LDB2: variants seen among roughly 807,000 people sequenced by gnomAD.
LDB2 encodes the protein LIM domain-binding protein 2.
LDB2 carries 12 observed loss-of-function variants against 44.3 expected under a neutral mutation model. The observed-to-expected ratio is 0.27, with a 90% CI of 0.17 to 0.44. LDB2 has a LOEUF of 0.44. Ranked by LOEUF, LDB2 falls within the 20% of genes least tolerant of loss-of-function variation. The pLI, the probability that LDB2 is intolerant of heterozygous loss-of-function variation, is 1.00. For missense variants in LDB2, 344 were observed against 473.5 expected (o/e 0.73, Z 2.54); for synonymous variants, 164 against 174.8 (o/e 0.94, Z 0.49).
chr4:16,883,512 A>T (rs1025398449), intron 1 of LDB2, among the ~76,000 whole-genome samples: 1 of 152,236 alleles, frequency 6.6e-6, no homozygotes, highest in African/African-American at 2.4e-5. Flanking sequence ...GCCACACCAG[A>T]TACCCGCCCA....
intron 2 of LDB2, among the ~76,000 whole-genome samples, chr4:16,675,218 AG>A (rs1281360394): frequency 6.6e-6 from 1 of 152,218 alleles, no homozygotes; most frequent in Non-Finnish European, 1.5e-5. Context: ...ATGACAACCA[AG>A]GAATTGCCAT....
At chr4:16,630,388 G>T (rs1731579668) in intron 2 of LDB2, among the ~76,000 whole-genome samples, 1 of 152,180 alleles carries the variant, frequency 6.6e-6, no homozygotes, top group African/African-American at 2.4e-5. Context: ...AGCAAATGCT[G>T]AGAGATTTTG....
chr4:16,868,352 G>C (rs578074732), intron 1 of LDB2, among the ~76,000 whole-genome samples: 2 of 152,188 alleles, frequency 1.3e-5, no homozygotes, highest in East Asian at 3.9e-4. Context: ...AGGTTCCAGG[G>C]GCAGCATTGT....
At chr4:16,742,655 A>G (rs1487644679) in intron 2 of LDB2, among the ~76,000 whole-genome samples, 1 of 152,166 alleles carries the variant, frequency 6.6e-6, no homozygotes, top group African/African-American at 2.4e-5. Context: ...CTTCTTCATT[A>G]GCCAGTATAT....
At chr4:16,556,606 G>T (rs1739695297) in intron 5 of LDB2, among the ~76,000 whole-genome samples, 1 of 152,190 alleles carries the variant, frequency 6.6e-6, no homozygotes, top group Non-Finnish European at 1.5e-5. Flanking sequence ...GCTAGAAATT[G>T]CCTGAAGCCA....
chr4:16,865,307 C>A (rs1373110163), intron 1 of LDB2, among the ~76,000 whole-genome samples: 2 of 152,170 alleles, frequency 1.3e-5, no homozygotes, highest in African/African-American at 4.8e-5. Context: ...CATCTTCACA[C>A]CTCCCTGGGC....
chr4:16,794,564 C>A (rs192658924), intron 1 of LDB2, among the ~76,000 whole-genome samples: 1 of 152,304 alleles, frequency 6.6e-6, no homozygotes, highest in African/African-American at 2.4e-5. Context: ...GTCTGTTACT[C>A]ACCTTCTCTG....
At chr4:16,817,480 C>T (rs1781164369) in intron 1 of LDB2, among the ~76,000 whole-genome samples, 1 of 152,128 alleles carries the variant, frequency 6.6e-6, no homozygotes, top group Non-Finnish European at 1.5e-5. Flanking sequence ...ATTCCTAAGG[C>T]CAGTTTGAAT....
At chr4:16,880,922 A>G (rs960397069) in intron 1 of LDB2, among the ~76,000 whole-genome samples, 5 of 150,626 alleles carry the variant, frequency 3.3e-5, no homozygotes, top group Non-Finnish European at 7.4e-5. Flanking sequence ...AAAAAAAAAA[A>G]GCACACACAC....
chr4:16,555,357 T>C (rs1032648447), intron 5 of LDB2, among the ~76,000 whole-genome samples: 23 of 152,184 alleles, frequency 1.5e-4, no homozygotes, highest in African/African-American at 5.3e-4. Context: ...GCATGGCAGA[T>C]GGTACCGCCC....
At chr4:16,615,011 A>G (rs1726841657) in intron 2 of LDB2, among the ~76,000 whole-genome samples, 1 of 137,422 alleles carries the variant, frequency 7.3e-6, no homozygotes, top group East Asian at 2.3e-4. Context: ...TGGAGCTTGC[A>G]GTGAGCCGAG....
intron 2 of LDB2, among the ~76,000 whole-genome samples, chr4:16,596,854 C>A (rs541481504): frequency 3.0e-4 from 45 of 152,228 alleles, no homozygotes; most frequent in South Asian, 1.9e-3. Flanking sequence ...GATTTGAAAT[C>A]CTCTTACACT....
At chr4:16,674,037 T>C (rs950220009) in intron 2 of LDB2, among the ~76,000 whole-genome samples, 17 of 152,182 alleles carry the variant, frequency 1.1e-4, no homozygotes, top group African/African-American at 3.9e-4. Flanking sequence ...AACTCGCATT[T>C]GTATATCGCC....
At chr4:16,765,159 A>T (rs1488142748) in intron 1 of LDB2, among the ~76,000 whole-genome samples, 1 of 152,220 alleles carries the variant, frequency 6.6e-6, no homozygotes. Context: ...GGACTGGCAG[A>T]TATAAGAGAT....
chr4:16,521,502 C>T (rs1726067026), intron 5 of LDB2, among the ~76,000 whole-genome samples: 1 of 152,178 alleles, frequency 6.6e-6, no homozygotes, highest in Non-Finnish European at 1.5e-5. Flanking sequence ...TCTGCAAAGA[C>T]TCTACTCCCA....
chr4:16,775,875 C>T (rs953425133), intron 1 of LDB2, among the ~76,000 whole-genome samples: 4 of 152,236 alleles, frequency 2.6e-5, no homozygotes, highest in East Asian at 3.9e-4. Flanking sequence ...CTGACTGAAG[C>T]GAAGCCTCTA....
At chr4:16,693,599 G>A (rs142078045) in intron 2 of LDB2, among the ~76,000 whole-genome samples, 132 of 152,034 alleles carry the variant, frequency 8.7e-4, no homozygotes, top group African/African-American at 2.9e-3. Flanking sequence ...TCGTGATCCC[G>A]GCCTTGTTTA....
intron 1 of LDB2, among the ~76,000 whole-genome samples, chr4:16,840,985 T>C (rs1213723288): frequency 6.6e-6 from 1 of 152,160 alleles, no homozygotes. Context: ...GAGGATTTGC[T>C]TGGTTGCAGC....
At chr4:16,865,499 C>T (rs891447444) in intron 1 of LDB2, among the ~76,000 whole-genome samples, 48 of 152,288 alleles carry the variant, frequency 3.2e-4, no homozygotes, top group African/African-American at 1.1e-3. Flanking sequence ...GCACTAAGGG[C>T]ACCTCCTCAC....
Sources: gnomAD v4.1 joint callset for allele counts (sites outside exome capture counted in the v4.1 genomes callset) on GRCh38, gnomAD v4.1.1 for gene constraint, MANE v1.5 for transcripts, NCBI Gene and HGNC (gene_info 2026-07-23, HGNC 2026-07-21) for gene names.